The following MARCHF1 variants were observed in gnomAD, a reference collection of about 807,000 sequenced individuals.
MARCHF1 encodes membrane associated ring-CH-type finger 1.
In MARCHF1, 40 loss-of-function variants were observed where a neutral mutation model predicts 54.2. That is an observed-to-expected ratio of 0.74 (90% CI 0.57 to 0.96). The LOEUF (loss-of-function observed/expected upper bound fraction) is 0.96, where lower values mean the gene tolerates loss of function less well. Among genes scored for constraint, MARCHF1 ranks in the 40% least tolerant of loss-of-function variants. MARCHF1 has a pLI of 0.00. For missense variants in MARCHF1, 586 were observed against 656.5 expected (o/e 0.89, Z 1.17); for synonymous variants, 236 against 236.3 (o/e 1.00, Z 0.01).
intron 4 of MARCHF1, among the ~76,000 whole-genome samples, chr4:163,825,861 C>T (rs1321081157): frequency 6.6e-6 from 1 of 151,846 alleles, no homozygotes; most frequent in Non-Finnish European, 1.5e-5. Context: ...TTCACCTCTC[C>T]CTATATGAAA....
intron 5 of MARCHF1, among the ~76,000 whole-genome samples, chr4:163,645,084 G>C (rs1190711045): frequency 6.6e-6 from 1 of 152,126 alleles, no homozygotes; most frequent in Non-Finnish European, 1.5e-5. Flanking sequence ...CAGGAACCTG[G>C]AGGAAGCCAC....
At chr4:163,687,454 T>C (rs1159659762) in intron 5 of MARCHF1, among the ~76,000 whole-genome samples, 1 of 152,148 alleles carries the variant, frequency 6.6e-6, no homozygotes, top group Non-Finnish European at 1.5e-5. Context: ...TCCAAAGTCA[T>C]ATTCTTTTAA....
chr4:164,018,645 G>A (rs1006214009), intron 2 of MARCHF1, among the ~76,000 whole-genome samples: 5 of 151,988 alleles, frequency 3.3e-5, no homozygotes, highest in African/African-American at 1.2e-4. Flanking sequence ...TAACCCATTA[G>A]TAAAACATAT....
At chr4:164,240,545 C>T (rs1171675248) in intron 1 of MARCHF1, among the ~76,000 whole-genome samples, 1 of 152,026 alleles carries the variant, frequency 6.6e-6, no homozygotes, top group East Asian at 1.9e-4. Flanking sequence ...GCTGTCTCTT[C>T]TTCCTCTGCT....
chr4:163,643,175 A>T (rs1742620317), intron 5 of MARCHF1, among the ~76,000 whole-genome samples: 1 of 149,648 alleles, frequency 6.7e-6, no homozygotes, highest in Admixed American at 6.6e-5. Flanking sequence ...AAAAAAAAAA[A>T]AATTAGCCAA....
intron 4 of MARCHF1, among the ~76,000 whole-genome samples, chr4:163,812,357 A>C (rs952109404): frequency 1.3e-5 from 2 of 151,970 alleles, no homozygotes; most frequent in African/African-American, 4.8e-5. Flanking sequence ...ACGTATATAT[A>C]CATATTGATT....
At chr4:164,043,936 G>A (rs1044377308) in intron 2 of MARCHF1, among the ~76,000 whole-genome samples, 8 of 152,082 alleles carry the variant, frequency 5.3e-5, no homozygotes, top group South Asian at 2.1e-4. Context: ...GTCTCTTTGC[G>A]AAAGCATAGC....
At chr4:163,718,884 T>C (rs765357289) in intron 4 of MARCHF1, among the ~76,000 whole-genome samples, 4 of 152,218 alleles carry the variant, frequency 2.6e-5, no homozygotes, top group African/African-American at 7.2e-5. Context: ...GCATCTGCTA[T>C]TGTAAAATCT....
chr4:164,142,666 A>G (rs1756578638), intron 1 of MARCHF1, among the ~76,000 whole-genome samples: 1 of 152,188 alleles, frequency 6.6e-6, no homozygotes, highest in Admixed American at 6.5e-5. Context: ...CCAAAAACCC[A>G]TCTGTACATC....
At position 163,751,827 on chromosome 4, in the gene MARCHF1, T is replaced by A. The variant is rs72683498; in HGVS notation, c.112-50964A>T. Among the ~76,000 whole-genome samples the A allele has an allele frequency of 1.2e-4, 18 of 151,444 alleles. No homozygotes were observed. In the South Asian group the frequency reaches 2.5e-3, roughly 21 times the overall value. On this transcript the variant is annotated intron_variant, in intron 4 of 9. Coordinates refer to ENST00000514618, the MANE Select transcript of MARCHF1 (RefSeq NM_001394959.1). ...GCACGTGTGTGTGTGTGTGTGTGTG[T>A]GATGAGGAAATTCCCCAGCTGTTTG...
intron 1 of MARCHF1, chr4:164,190,258 C>CA: frequency 3.8e-6 from 4 of 1,065,860 alleles, no homozygotes; most frequent in Non-Finnish European, 5.7e-6. Flanking sequence ...ATTGTTCAGC[C>CA]ACTTATCAGC....
intron 2 of MARCHF1, among the ~76,000 whole-genome samples, chr4:164,022,123 TTTAG>T (rs567259347): frequency 9.7e-4 from 147 of 152,330 alleles, no homozygotes; most frequent in Middle Eastern, 3.4e-3. Flanking sequence ...TTATTTTTTC[TTTAG>T]TTAAACCCCA....
At chr4:163,537,810 A>AG (rs1473335097) in intron 9 of MARCHF1, among the ~76,000 whole-genome samples, 1 of 152,198 alleles carries the variant, frequency 6.6e-6, no homozygotes, top group Non-Finnish European at 1.5e-5. Flanking sequence ...TAATCCCACA[A>AG]GGAAGAGTGA....
chr4:163,809,938 CT>C (rs1748337690), intron 4 of MARCHF1, among the ~76,000 whole-genome samples: 1 of 151,840 alleles, frequency 6.6e-6, no homozygotes, highest in Non-Finnish European at 1.5e-5. Context: ...TACCACAAAA[CT>C]TTTTTTTCCT....
At chr4:163,741,805 A>G (rs761857475) in intron 4 of MARCHF1, among the ~76,000 whole-genome samples, 45 of 152,080 alleles carry the variant, frequency 3.0e-4, no homozygotes, top group Non-Finnish European at 5.1e-4. Flanking sequence ...AGCTTCTCTG[A>G]TATCTCCAGC....
chr4:164,113,050 G>A (rs1755867275), intron 1 of MARCHF1, among the ~76,000 whole-genome samples: 1 of 151,734 alleles, frequency 6.6e-6, no homozygotes, highest in African/African-American at 2.4e-5. Flanking sequence ...GGATAGTGAG[G>A]ACACTGTCTT....
chr4:163,998,276 T>C (rs1753118840), intron 2 of MARCHF1, among the ~76,000 whole-genome samples: 1 of 151,436 alleles, frequency 6.6e-6, no homozygotes, highest in Admixed American at 6.6e-5. Context: ...ATTGTAACAG[T>C]CATTCAGATT....
At chr4:164,340,325 C>T (rs1327967189) in intron 1 of MARCHF1, among the ~76,000 whole-genome samples, 1 of 147,620 alleles carries the variant, frequency 6.8e-6, no homozygotes, top group Admixed American at 6.8e-5. Flanking sequence ...CAACCTCTGC[C>T]TCCTGGGCTG....
chr4:164,068,336 C>A (rs1165328630), intron 2 of MARCHF1, among the ~76,000 whole-genome samples: 6 of 152,278 alleles, frequency 3.9e-5, no homozygotes, highest in East Asian at 1.9e-4. Context: ...ACTGTGGGAG[C>A]CCCTTTCTGG....
Sources: allele counts gnomAD v4.1 joint callset (sites outside exome capture counted in the v4.1 genomes callset), GRCh38; gene constraint gnomAD v4.1.1; transcripts MANE v1.5; gene names NCBI Gene and HGNC (gene_info 2026-07-23, HGNC 2026-07-21).